The following FRMPD4 variants were observed in gnomAD, a reference collection of about 807,000 sequenced individuals.
The protein encoded by FRMPD4 is FERM and PDZ domain-containing protein 4.
In FRMPD4, 22 loss-of-function variants were observed where a neutral mutation model predicts 94.1. The observed-to-expected ratio is 0.23, with a 90% CI of 0.17 to 0.33. The LOEUF is 0.33. Among genes scored for constraint, FRMPD4 ranks in the 10% least tolerant of loss-of-function variants. The pLI, the probability that FRMPD4 is intolerant of heterozygous loss-of-function variation, is 1.00. For synonymous variants in FRMPD4, 631 were observed against 548.6 expected, an observed-to-expected ratio of 1.15 and a Z score of -2.10; for missense variants, 1,111 against 1,339.9, an observed-to-expected ratio of 0.83 and a Z score of 2.67.
Position 12,498,680 on chromosome X carries a change from C to A in FRMPD4, c.42C>A (p.Ser14Arg). The A allele has an allele frequency of 8.9e-7, 1 of 1,127,851 alleles. No individual in the cohort carries two copies. The highest frequency in any genetic ancestry group is 1.2e-6 in the Non-Finnish European group (1 of 822,953). 92.9% of individuals were successfully genotyped at this position (1,127,851 alleles called of 1,213,427 possible). A position where few individuals can be genotyped will look rare whatever the true frequency, so the allele number is the denominator to read the frequency against. ...ATGCTTTTTTTTTTTTCTTTTCCAG[C>A]CACAGGACGAAGTCTTCAGGCTGGC... Reference protein sequence around the residue: ...FSFVKIAKLSSHRTKSSGWPP... With the variant: ...FSFVKIAKLSRHRTKSSGWPP... The change falls in exon 2 of 17, where the codon AGC (serine) becomes AGA (arginine). Residue 14 changes from serine (S) to arginine (R), a missense_variant and splice_region_variant. Ser to Arg is a moderately radical substitution (Grantham distance 110, BLOSUM62 -1). Coordinates refer to ENST00000675598, the MANE Select transcript of FRMPD4 (RefSeq NM_001368397.1).
At chrX:12,628,269 G>A (rs916210826) in intron 4 of FRMPD4, among the ~76,000 whole-genome samples, 1 of 111,654 alleles carries the variant, frequency 9.0e-6, no homozygotes, top group African/African-American at 3.3e-5. Flanking sequence ...GAGCTGAGTC[G>A]ACCTGTAGAG....
At chrX:12,486,329 C>A (rs768115111) in intron 1 of FRMPD4, among the ~76,000 whole-genome samples, 4 of 112,017 alleles carry the variant, frequency 3.6e-5, no homozygotes, top group South Asian at 3.8e-4. Flanking sequence ...TCTAGGCCTA[C>A]GGAAACAGAA....
intron 4 of FRMPD4, 34 bp from the exon 5 acceptor site, chrX:12,674,829 A>G (rs369465027): frequency 4.3e-6 from 4 of 930,428 alleles, no homozygotes; most frequent in Non-Finnish European, 4.7e-6. Flanking sequence ...GGCTCAGTGC[A>G]TATCATAAAT....
At chrX:11,887,012 A>G (rs1384035313) in intron 3 of FRMPD4, among the ~76,000 whole-genome samples, 1 of 111,310 alleles carries the variant, frequency 9.0e-6, no homozygotes, top group East Asian at 2.8e-4. Context: ...TAGCATTCTT[A>G]TGCATTTATT....
chrX:11,876,134 C>G (rs1275052950), intron 2 of FRMPD4, among the ~76,000 whole-genome samples: 2 of 109,631 alleles, frequency 1.8e-5, no homozygotes. Flanking sequence ...TCGGCCTCCC[C>G]ACTTGAGGAT....
chrX:12,248,768 G>A (rs1447477362), intron 1 of FRMPD4, among the ~76,000 whole-genome samples: 1 of 112,444 alleles, frequency 8.9e-6, no homozygotes, highest in African/African-American at 3.2e-5. Flanking sequence ...GCCTGGTGCA[G>A]TGGCTTACAC....
intron 1 of FRMPD4, among the ~76,000 whole-genome samples, chrX:12,204,383 C>A (rs2056666389): frequency 2.7e-5 from 3 of 111,985 alleles, no homozygotes; most frequent in Non-Finnish European, 1.9e-5. Context: ...GGACTGCCTG[C>A]CCTCAGGTAC....
intron 1 of FRMPD4, among the ~76,000 whole-genome samples, chrX:11,848,101 A>G (rs2053592189): frequency 9.1e-6 from 1 of 110,428 alleles, no homozygotes; most frequent in African/African-American, 3.3e-5. Flanking sequence ...GAAAGAACAA[A>G]TACGTCCTTT....
chrX:12,476,769 G>C (rs143999823), intron 1 of FRMPD4, among the ~76,000 whole-genome samples: 17,883 of 110,605 alleles, frequency 0.16, 1,167 homozygotes, highest in African/African-American at 0.2. Flanking sequence ...AATGAGATAC[G>C]ATCTCACACC....
intron 1 of FRMPD4, among the ~76,000 whole-genome samples, chrX:12,252,410 TAAAGA>T (rs2054054092): frequency 8.9e-6 from 1 of 112,154 alleles, no homozygotes; most frequent in Non-Finnish European, 1.9e-5. Flanking sequence ...ACATGTAAGA[TAAAGA>T]AAAGAAGGAG....
At chrX:11,951,781 T>G (rs1175199548) in intron 3 of FRMPD4, among the ~76,000 whole-genome samples, 1 of 112,123 alleles carries the variant, frequency 8.9e-6, no homozygotes, top group Non-Finnish European at 1.9e-5. Flanking sequence ...CACCTGTAAT[T>G]CCAGCACTTT....
chrX:12,186,665 A>T (rs371191125), intron 1 of FRMPD4, among the ~76,000 whole-genome samples: 2 of 112,100 alleles, frequency 1.8e-5, no homozygotes, highest in African/African-American at 6.5e-5. Context: ...CGATGAATAC[A>T]GAATATTTCA....
chrX:12,367,263 A>G (rs1413171659), intron 1 of FRMPD4, among the ~76,000 whole-genome samples: 1 of 111,063 alleles, frequency 9.0e-6, no homozygotes, highest in African/African-American at 3.3e-5. Flanking sequence ...CTTTCTAAAT[A>G]CAGATGAGGT....
chrX:12,477,325 G>C (rs1170705759), intron 1 of FRMPD4, among the ~76,000 whole-genome samples: 1 of 111,441 alleles, frequency 9.0e-6, no homozygotes, highest in Non-Finnish European at 1.9e-5. Flanking sequence ...GAAGGGGGAG[G>C]AATAGCATTA....
intron 2 of FRMPD4, among the ~76,000 whole-genome samples, chrX:12,572,568 G>A (rs952882162): frequency 8.9e-6 from 1 of 111,745 alleles, no homozygotes; most frequent in African/African-American, 3.3e-5. Flanking sequence ...TTTGTTATGG[G>A]GGTGTCTATC....
chrX:11,871,179 G>A (rs1222493830), intron 2 of FRMPD4, among the ~76,000 whole-genome samples: 1 of 112,343 alleles, frequency 8.9e-6, no homozygotes, highest in African/African-American at 3.2e-5. Flanking sequence ...TTGTTCCCTG[G>A]GGGAGGCATC....
intron 2 of FRMPD4, 34 bp downstream of exon 2, chrX:12,498,830 C>T: frequency 1.3e-6 from 1 of 761,014 alleles, no homozygotes; most frequent in Non-Finnish European, 2.0e-6. Flanking sequence ...CAATAGAATC[C>T]TTGGCCAATG....
At chrX:12,609,636 T>G (rs1348915722) in intron 2 of FRMPD4, 85 bp from the exon 3 acceptor site, 4 of 832,148 alleles carry the variant, frequency 4.8e-6, no homozygotes, top group Non-Finnish European at 7.0e-6. Flanking sequence ...AAACAGGTTT[T>G]GAAATTAAAG....
At chrX:12,006,866 G>T (rs2054556791) in intron 3 of FRMPD4, among the ~76,000 whole-genome samples, 1 of 111,951 alleles carries the variant, frequency 8.9e-6, no homozygotes, top group Non-Finnish European at 1.9e-5. Context: ...GCAGCCAACT[G>T]TAGCTTGTCT....
Sources: allele counts gnomAD v4.1 joint callset (sites outside exome capture counted in the v4.1 genomes callset), GRCh38; gene constraint gnomAD v4.1.1; transcripts MANE v1.5; gene names NCBI Gene and HGNC (gene_info 2026-07-23, HGNC 2026-07-21).